The following CARMIL1 variants were observed in gnomAD, a reference collection of about 807,000 sequenced individuals.
The protein encoded by CARMIL1 is F-actin-uncapping protein LRRC16A.
In CARMIL1, 90 loss-of-function variants were observed where a neutral mutation model predicts 177.1. That is an observed-to-expected ratio of 0.51 (90% CI 0.43 to 0.61). The LOEUF (loss-of-function observed/expected upper bound fraction) is 0.61, where lower values mean the gene tolerates loss of function less well. CARMIL1 is among the 20% of genes least tolerant of loss of function. The probability of loss-of-function intolerance (pLI) is 0.00; values close to 1 mark genes in which losing one functional copy is unlikely to be tolerated. For synonymous variants in CARMIL1, 577 were observed against 606.2 expected, an observed-to-expected ratio of 0.95 and a Z score of 0.71; for missense variants, 1,380 against 1,667.0, an observed-to-expected ratio of 0.83 and a Z score of 3.00.
intron 33 of CARMIL1, 93 bp from the exon 34 acceptor site, chr6:25,604,719 C>G: frequency 5.0e-6 from 5 of 997,276 alleles, no homozygotes; most frequent in Non-Finnish European, 7.6e-6. Flanking sequence ...TTAAAGAGCC[C>G]TTCTTTGCTG....
chr6:25,402,527 A>C (rs1418308956), intron 2 of CARMIL1, among the ~76,000 whole-genome samples: 1 of 152,210 alleles, frequency 6.6e-6, no homozygotes, highest in African/African-American at 2.4e-5. Flanking sequence ...TCTATTTTGT[A>C]CTTACTTTAT....
In CARMIL1 at chr6:25,509,551, T is replaced by C; in HGVS notation, c.1396-105T>C. 1.3e-6 allele frequency: 1 copy of C among 742,382 alleles called. No individual in the cohort carries two copies. The highest frequency in any genetic ancestry group is 2.3e-6 in the Non-Finnish European group (1 of 436,144). 46.0% of individuals were successfully genotyped at this position (742,382 alleles called of 1,614,324 possible). ...TGATAAGCTTTTACTTTTTCTTTGG[T>C]ACTAAGTTTATTTTAAGACTGACTG... On this transcript the variant is annotated intron_variant, in intron 17 of 36. Coordinates refer to ENST00000329474, the MANE Select transcript of CARMIL1 (RefSeq NM_017640.6). The surrounding 1 kb of genome is among the most constrained non-coding windows in gnomAD (Gnocchi z 4.1).
Position 25,437,217 on chromosome 6 carries a change from A to G in CARMIL1, c.371+1613A>G, listed in dbSNP as rs144408358. On this transcript the variant is annotated intron_variant, in intron 5 of 36. Coordinates refer to ENST00000329474, the MANE Select transcript of CARMIL1 (RefSeq NM_017640.6). ...CCTTCTAAATTAATACTGATGAAAT[A>G]AAAAAATTATTAAGCACCGCCTTAC... 1.9e-4 allele frequency among the ~76,000 whole-genome samples: 29 copies of G among 152,240 alleles called. No individual in the cohort carries two copies. The East Asian group carries it at 4.8e-3, about 25-fold the overall frequency.
At chr6:25,388,910 T>C (rs1792460473) in intron 2 of CARMIL1, among the ~76,000 whole-genome samples, 1 of 152,054 alleles carries the variant, frequency 6.6e-6, no homozygotes, top group African/African-American at 2.4e-5. Context: ...CTTGAATTCA[T>C]GGCCTCAAGC....
At chr6:25,390,345 A>T in intron 2 of CARMIL1, among the ~76,000 whole-genome samples, 1 of 111,442 alleles carries the variant, frequency 9.0e-6, no homozygotes, top group Non-Finnish European at 1.9e-5. Context: ...TTTTTGAGAC[A>T]GGGTCTCAGT....
chr6:25,422,023 TAATAA>T (rs751479799), intron 3 of CARMIL1, among the ~76,000 whole-genome samples: 54 of 151,908 alleles, frequency 3.6e-4, no homozygotes, highest in South Asian at 2.9e-3. Flanking sequence ...AGTATAATAA[TAATAA>T]AATAAAATAA....
intron 4 of CARMIL1, among the ~76,000 whole-genome samples, chr6:25,428,807 C>G (rs1005718128): frequency 2.6e-5 from 4 of 152,122 alleles, no homozygotes; most frequent in African/African-American, 9.7e-5. Flanking sequence ...TTATTTTTTA[C>G]ATTTCAGTTT....
intron 2 of CARMIL1, among the ~76,000 whole-genome samples, chr6:25,347,152 A>G (rs4712916): frequency 0.21 from 32,524 of 152,162 alleles, 3,751 homozygotes; most frequent in South Asian, 0.35. Flanking sequence ...ATATCTGTCT[A>G]TTGTGCAGTT....
At chr6:25,328,830 T>C (rs1785350253) in intron 2 of CARMIL1, among the ~76,000 whole-genome samples, 1 of 139,054 alleles carries the variant, frequency 7.2e-6, no homozygotes, top group Non-Finnish European at 1.6e-5. Context: ...TTAAAAAAAA[T>C]GCAATGAGAG....
intron 2 of CARMIL1, among the ~76,000 whole-genome samples, chr6:25,335,232 A>G (rs1485089691): frequency 2.0e-5 from 3 of 152,174 alleles, no homozygotes; most frequent in African/African-American, 4.8e-5. Flanking sequence ...CAGTTCTTGT[A>G]TATTACTAAG....
At chr6:25,586,871 G>T (rs1427875558) in intron 31 of CARMIL1, among the ~76,000 whole-genome samples, 1 of 152,042 alleles carries the variant, frequency 6.6e-6, no homozygotes, top group Non-Finnish European at 1.5e-5. Flanking sequence ...GGAGAATCAG[G>T]CAGGGAGGTT....
intron 29 of CARMIL1, among the ~76,000 whole-genome samples, chr6:25,568,481 A>T (rs1316275780): frequency 6.6e-6 from 1 of 152,108 alleles, no homozygotes; most frequent in Non-Finnish European, 1.5e-5. Flanking sequence ...TGGATCTAAC[A>T]TTTGATTATC....
intron 2 of CARMIL1, among the ~76,000 whole-genome samples, chr6:25,356,081 C>T (rs1016312258): frequency 5.2e-4 from 73 of 141,406 alleles, no homozygotes; most frequent in African/African-American, 1.7e-3. Flanking sequence ...GACGGAGTTT[C>T]GCTCTGTCGC....
At chr6:25,606,386 T>A in intron 35 of CARMIL1, 113 bp downstream of exon 35, 1 of 913,596 alleles carries the variant, frequency 1.1e-6, no homozygotes, top group Non-Finnish European at 1.6e-6. Context: ...GTACAGCGGC[T>A]TCTGCAGGAG....
At chr6:25,550,308 A>G (rs1809956502) in intron 26 of CARMIL1, among the ~76,000 whole-genome samples, 1 of 152,192 alleles carries the variant, frequency 6.6e-6, no homozygotes, top group East Asian at 1.9e-4. Context: ...AGGTGCTATT[A>G]ATGTTTTTGT....
chr6:25,445,158 C>T (rs1272862655), intron 5 of CARMIL1, among the ~76,000 whole-genome samples: 2 of 152,198 alleles, frequency 1.3e-5, no homozygotes, highest in Non-Finnish European at 2.9e-5. Context: ...AAGTAGATTC[C>T]ATCTCAAGAA....
At chr6:25,506,925 T>A (rs1804970170) in intron 17 of CARMIL1, among the ~76,000 whole-genome samples, 1 of 152,216 alleles carries the variant, frequency 6.6e-6, no homozygotes. Flanking sequence ...TATTTGAGTG[T>A]TTGATATAAC....
chr6:25,376,767 G>C (rs1562054854), intron 2 of CARMIL1, among the ~76,000 whole-genome samples: 1 of 152,192 alleles, frequency 6.6e-6, no homozygotes, highest in Non-Finnish European at 1.5e-5. Flanking sequence ...CAGTAGGAGA[G>C]ATGTCCATGG....
chr6:25,334,117 T>G (rs1785974850), intron 2 of CARMIL1, among the ~76,000 whole-genome samples: 1 of 152,180 alleles, frequency 6.6e-6, no homozygotes, highest in South Asian at 2.1e-4. Context: ...AGCTCAGGGT[T>G]GAGTAGTGAT....
Sources: gnomAD v4.1 joint callset for allele counts (sites outside exome capture counted in the v4.1 genomes callset) on GRCh38, gnomAD v4.1.1 for gene constraint, Gnocchi (gnomAD v3.1) non-coding constraint, MANE v1.5 for transcripts, NCBI Gene and HGNC (gene_info 2026-07-23, HGNC 2026-07-21) for gene names.